The following FHIT variants were observed in gnomAD, a reference collection of about 807,000 sequenced individuals.
FHIT encodes the protein bis(5'-adenosyl)-triphosphatase.
A neutral mutation model predicts 17.9 loss-of-function variants in FHIT; 19 were observed. The ratio of observed to expected loss-of-function variants is 1.06; its 90% CI spans 0.74 to 1.56. FHIT has a LOEUF of 1.56. FHIT is among the 40% of genes most tolerant of loss of function. The pLI, the probability that FHIT is intolerant of heterozygous loss-of-function variation, is 0.00. For missense variants in FHIT, 248 were observed against 189.2 expected, an observed-to-expected ratio of 1.31 and a Z score of -1.82; for synonymous variants, 81 against 69.7, an observed-to-expected ratio of 1.16 and a Z score of -0.81.
At chr3:61,083,756 T>G (rs2035221985) in intron 2 of FHIT, among the ~76,000 whole-genome samples, 1 of 152,242 alleles carries the variant, frequency 6.6e-6, no homozygotes, top group Non-Finnish European at 1.5e-5. Flanking sequence ...ATGTGTTTTT[T>G]TTATTTTGTT....
chr3:60,025,883 C>T (rs1474585044), intron 5 of FHIT, among the ~76,000 whole-genome samples: 1 of 152,092 alleles, frequency 6.6e-6, no homozygotes, highest in African/African-American at 2.4e-5. Flanking sequence ...AACAAAGCAG[C>T]AATTCATTAA....
At chr3:60,097,092 C>T (rs1428753608) in intron 5 of FHIT, among the ~76,000 whole-genome samples, 3 of 150,462 alleles carry the variant, frequency 2.0e-5, no homozygotes, top group African/African-American at 7.3e-5. Context: ...ATGTAGAGTA[C>T]CAGGTGGCCA....
In FHIT at chr3:59,942,438, C is replaced by T. The variant is rs367670604; in HGVS notation, c.280-20024G>A. 3.9e-5 allele frequency among the ~76,000 whole-genome samples: 6 copies of T among 152,228 alleles called. No homozygotes were observed. The East Asian group carries it at 9.7e-4, about 25-fold the overall frequency. On this transcript the variant is annotated intron_variant, in intron 7 of 9. Transcript: ENST00000492590. ...ACGCCTGTGGACAAGTTTGTCAGAC[C>T]ATTGGTTAAATATTCGACCAAGAGT...
intron 8 of FHIT, among the ~76,000 whole-genome samples, chr3:59,754,430 G>T: frequency 6.6e-6 from 1 of 152,160 alleles, no homozygotes; most frequent in East Asian, 1.9e-4. Flanking sequence ...CAAGGCAAAC[G>T]GGATTGCTAT....
chr3:60,826,713 A>G (rs1553741126), intron 3 of FHIT, among the ~76,000 whole-genome samples: 2 of 152,200 alleles, frequency 1.3e-5, no homozygotes, highest in African/African-American at 4.8e-5. Context: ...GGGGAACACC[A>G]GAACACCGGA....
intron 8 of FHIT, among the ~76,000 whole-genome samples, chr3:59,763,354 C>G (rs541689608): frequency 9.2e-5 from 14 of 152,202 alleles, no homozygotes; most frequent in Non-Finnish European, 1.6e-4. Context: ...GCACACAGCA[C>G]GCAACCAATA....
intron 5 of FHIT, among the ~76,000 whole-genome samples, chr3:60,253,497 C>T (rs1217951086): frequency 2.0e-5 from 3 of 152,128 alleles, no homozygotes; most frequent in Non-Finnish European, 4.4e-5. Flanking sequence ...TATAGATAGT[C>T]AAAATTGCAA....
chr3:59,797,641 A>T (rs1699830297), intron 8 of FHIT, among the ~76,000 whole-genome samples: 1 of 152,206 alleles, frequency 6.6e-6, no homozygotes. Context: ...TCTCTCCTCC[A>T]TGCCGATATT....
At chr3:60,944,505 G>C (rs782729573) in intron 3 of FHIT, among the ~76,000 whole-genome samples, 2 of 152,154 alleles carry the variant, frequency 1.3e-5, no homozygotes, top group Non-Finnish European at 2.9e-5. Flanking sequence ...TCTTCTTGAA[G>C]ATAATTTGCA....
At chr3:61,076,300 A>G (rs2034969296) in intron 2 of FHIT, among the ~76,000 whole-genome samples, 1 of 152,318 alleles carries the variant, frequency 6.6e-6, no homozygotes, top group Admixed American at 6.5e-5. Flanking sequence ...ATCAGCCCCA[A>G]GAGGTGGTAC....
At chr3:60,618,894 A>T (rs1559587663) in intron 4 of FHIT, among the ~76,000 whole-genome samples, 1 of 152,138 alleles carries the variant, frequency 6.6e-6, no homozygotes, top group Non-Finnish European at 1.5e-5. Flanking sequence ...AAGCCAAAGA[A>T]TGCAGGGGGC....
intron 5 of FHIT, among the ~76,000 whole-genome samples, chr3:60,255,666 GATAAA>G (rs994614488): frequency 3.9e-5 from 6 of 152,016 alleles, no homozygotes; most frequent in Admixed American, 2.0e-4. Flanking sequence ...TTAAAGAAAA[GATAAA>G]ATAAAAAGAA....
intron 4 of FHIT, among the ~76,000 whole-genome samples, chr3:60,701,497 T>C (rs1477905630): frequency 6.6e-6 from 1 of 151,810 alleles, no homozygotes; most frequent in Non-Finnish European, 1.5e-5. Context: ...GGAGTGCTGA[T>C]TGGTTGGGTG....
At chr3:60,594,041 A>C (rs1434156153) in intron 4 of FHIT, among the ~76,000 whole-genome samples, 1 of 152,152 alleles carries the variant, frequency 6.6e-6, no homozygotes, top group Non-Finnish European at 1.5e-5. Flanking sequence ...GTTGAGAACT[A>C]TATTTGAGTA....
At chr3:60,153,805 C>T (rs1700569689) in intron 5 of FHIT, among the ~76,000 whole-genome samples, 1 of 152,170 alleles carries the variant, frequency 6.6e-6, no homozygotes, top group African/African-American at 2.4e-5. Context: ...CCCCCTTCCC[C>T]AGGCCCTTCC....
intron 3 of FHIT, among the ~76,000 whole-genome samples, chr3:60,822,817 A>G (rs896188658): frequency 1.3e-5 from 2 of 152,192 alleles, no homozygotes; most frequent in Non-Finnish European, 2.9e-5. Context: ...CAGGGAGGCT[A>G]TTGAGACCTT....
chr3:60,195,922 G>T (rs1008091527), intron 5 of FHIT, among the ~76,000 whole-genome samples: 1 of 151,908 alleles, frequency 6.6e-6, no homozygotes, highest in Non-Finnish European at 1.5e-5. Flanking sequence ...TACATATTGG[G>T]TACCATGTGC....
intron 2 of FHIT, among the ~76,000 whole-genome samples, chr3:61,046,861 C>A (rs182337880): frequency 1.3e-5 from 2 of 152,264 alleles, no homozygotes; most frequent in East Asian, 3.9e-4. Flanking sequence ...AAAACGTAAT[C>A]CATCATATAA....
chr3:60,860,173 T>TATCTGATATATG (rs1703599320), intron 3 of FHIT, among the ~76,000 whole-genome samples: 3 of 86,578 alleles, frequency 3.5e-5, no homozygotes, highest in Admixed American at 1.1e-4. Flanking sequence ...ATCATATGTA[T>TATCTGATATATG]ATATGGTATA....
Sources: allele counts gnomAD v4.1 joint callset (sites outside exome capture counted in the v4.1 genomes callset), GRCh38; gene constraint gnomAD v4.1.1; transcripts MANE v1.5; gene names NCBI Gene and HGNC (gene_info 2026-07-23, HGNC 2026-07-21).